GOLGA4: variants seen among roughly 807,000 people sequenced by gnomAD.
GOLGA4 encodes the protein golgin A4.
Under a neutral mutation model 265.9 loss-of-function variants are expected in GOLGA4, and 169 were observed. The observed-to-expected ratio is 0.64, with a 90% CI of 0.56 to 0.72. The LOEUF is 0.72. GOLGA4 is among the 30% of genes least tolerant of loss of function. GOLGA4 has a pLI of 0.00. For synonymous variants in GOLGA4, 923 were observed against 855.8 expected (o/e 1.08, Z -1.37); for missense variants, 2,482 against 2,483.4 (o/e 1.00, Z 0.01).
At chr3:37,343,327 G>A (rs1240855696) in intron 20 of GOLGA4, among the ~76,000 whole-genome samples, 1 of 152,156 alleles carries the variant, frequency 6.6e-6, no homozygotes, top group African/African-American at 2.4e-5. Context: ...CTCCATGTTG[G>A]TCAGGCTGGT....
In GOLGA4 at chr3:37,340,213, C is replaced by T. The variant is rs750447719; in HGVS notation, c.6472+14C>T. On this transcript the variant is annotated intron_variant, in intron 20 of 23. Transcript: ENST00000361924. ...CACCTTACAAAGGTAAGGATGATCT[C>T]GTGTCATGTTATTAACTGTTATCTT... The T allele has an allele frequency of 1.3e-5, 14 of 1,057,118 alleles. No homozygotes were observed. The highest frequency in any genetic ancestry group is 1.8e-5 in the Non-Finnish European group (13 of 717,568). The allele number at this position is 1,057,118 out of a possible 1,614,324, so 65.5% of individuals were successfully genotyped here.
At chr3:37,305,306 T>C (rs1262102479) in intron 10 of GOLGA4, among the ~76,000 whole-genome samples, 1 of 152,242 alleles carries the variant, frequency 6.6e-6, no homozygotes, top group African/African-American at 2.4e-5. Context: ...TTAAAAATTA[T>C]ATTTGTAGTC....
At chr3:37,365,424 G>A (rs1417924668) in intron 23 of GOLGA4, among the ~76,000 whole-genome samples, 3 of 152,028 alleles carry the variant, frequency 2.0e-5, no homozygotes, top group African/African-American at 7.2e-5. Flanking sequence ...CACCACCACG[G>A]CCGGCTAATT....
At chr3:37,338,724 A>C (rs551841531) in intron 19 of GOLGA4, among the ~76,000 whole-genome samples, 8 of 152,158 alleles carry the variant, frequency 5.3e-5, no homozygotes, top group African/African-American at 1.4e-4. Flanking sequence ...CTCCATACCC[A>C]TTAAGCAGTC....
At chr3:37,346,693 T>C (rs1022293985) in intron 20 of GOLGA4, among the ~76,000 whole-genome samples, 3 of 152,208 alleles carry the variant, frequency 2.0e-5, no homozygotes, top group African/African-American at 7.2e-5. Flanking sequence ...TCATATAATA[T>C]GCTTGTTTTC....
chr3:37,284,350 C>T (rs1460884282), intron 3 of GOLGA4, among the ~76,000 whole-genome samples: 3 of 152,028 alleles, frequency 2.0e-5, no homozygotes, highest in Admixed American at 6.6e-5. Context: ...CTGCAACCTC[C>T]GCCTACTGGG....
chr3:37,270,363 G>T (rs1258106274), intron 2 of GOLGA4, among the ~76,000 whole-genome samples: 1 of 150,718 alleles, frequency 6.6e-6, no homozygotes, highest in Admixed American at 6.6e-5. Context: ...CTGCCACCAC[G>T]ACGTTTTTAT....
chr3:37,325,225 A>C lies in GOLGA4; in HGVS notation c.3339A>C (p.Glu1113Asp). 1 of 1,612,578 alleles carries C rather than the reference A, an allele frequency of 6.2e-7. No individual in the cohort carries two copies. The highest frequency in any genetic ancestry group is 1.1e-5 in the South Asian group (1 of 90,886). Residue 1113 changes from glutamate (E) to aspartate (D), a missense_variant, in exon 14 of 24, where the codon GAA becomes GAC. Transcript: ENST00000361924. Reference sequence around the variant, plus strand: ...ATACAACATTAAATGAATTACAGGAACAGTTAAAGCAGAAGTCTGCCCATG... The same window carrying C: ...ATACAACATTAAATGAATTACAGGACCAGTTAAAGCAGAAGTCTGCCCATG... ...KQDTTLNELQ[E>D]QLKQKSAHVN...
At chr3:37,320,446 A>G (rs1454975759) in intron 12 of GOLGA4, 1 of 152,162 alleles carries the variant, frequency 6.6e-6, no homozygotes, top group African/African-American at 2.4e-5. Context: ...GAGAATTTCT[A>G]GCAGCAGTGA....
intron 5 of GOLGA4, among the ~76,000 whole-genome samples, chr3:37,292,513 C>G (rs925757724): frequency 3.3e-5 from 5 of 152,108 alleles, no homozygotes; most frequent in African/African-American, 4.8e-5. Context: ...TGGTGAAACC[C>G]CGTCTCTAGT....
At chr3:37,307,697 T>C (rs2096910715) in intron 10 of GOLGA4, among the ~76,000 whole-genome samples, 2 of 152,134 alleles carry the variant, frequency 1.3e-5, no homozygotes, top group South Asian at 4.1e-4. Flanking sequence ...AATACGTACG[T>C]ATTTTGGCAC....
chr3:37,350,854 AT>A (rs2097071675), intron 21 of GOLGA4, among the ~76,000 whole-genome samples: 1 of 152,128 alleles, frequency 6.6e-6, no homozygotes. Flanking sequence ...CTAAAAAAAA[AT>A]GCTAACATTC....
intron 4 of GOLGA4, among the ~76,000 whole-genome samples, chr3:37,287,307 C>T (rs909517679): frequency 2.0e-5 from 3 of 152,196 alleles, no homozygotes; most frequent in African/African-American, 7.2e-5. Flanking sequence ...TGCCATTGCA[C>T]TCCAGCCTGG....
At chr3:37,280,322 G>T (rs1195783201) in intron 2 of GOLGA4, among the ~76,000 whole-genome samples, 1 of 152,208 alleles carries the variant, frequency 6.6e-6, no homozygotes, top group African/African-American at 2.4e-5. Context: ...GATTGTATTG[G>T]TGGCTGAAAT....
chr3:37,351,571 T>A (rs905827500), intron 21 of GOLGA4, among the ~76,000 whole-genome samples: 1 of 152,150 alleles, frequency 6.6e-6, no homozygotes, highest in Non-Finnish European at 1.5e-5. Context: ...TAAAATATAT[T>A]CCTTAAATAA....
chr3:37,306,499 CTCTGTGTGTGTGTG>C (rs1328697823), intron 10 of GOLGA4, among the ~76,000 whole-genome samples: 1 of 115,714 alleles, frequency 8.6e-6, no homozygotes, highest in Non-Finnish European at 1.8e-5. Context: ...CTTGGCTGTT[CTCTGTGTGTGTGTG>C]TGTGTGTGTG....
At chr3:37,319,272 T>C in intron 12 of GOLGA4, 78 bp downstream of exon 12, 1 of 1,200,042 alleles carries the variant, frequency 8.3e-7, no homozygotes, top group Non-Finnish European at 1.2e-6. Context: ...ACTGTTGCAT[T>C]CCAGTTGGAA....
intron 2 of GOLGA4, among the ~76,000 whole-genome samples, chr3:37,254,307 C>G (rs748929888): frequency 4.6e-5 from 7 of 152,058 alleles, no homozygotes; most frequent in Non-Finnish European, 8.8e-5. Flanking sequence ...TGTATATACT[C>G]TGTACTTTTA....
At chr3:37,255,751 ATT>A (rs56154937) in intron 2 of GOLGA4, among the ~76,000 whole-genome samples, 93 of 144,114 alleles carry the variant, frequency 6.5e-4, no homozygotes, top group Admixed American at 7.6e-4. Flanking sequence ...AAAAAAAAGC[ATT>A]TTTTTTTTTT....
Sources: allele counts gnomAD v4.1 joint callset (sites outside exome capture counted in the v4.1 genomes callset), GRCh38; gene constraint gnomAD v4.1.1; transcripts MANE v1.5; gene names NCBI Gene and HGNC (gene_info 2026-07-23, HGNC 2026-07-21).